Variants in INSR observed in about 807,000 individuals in gnomAD.
The protein encoded by INSR is IR.
Under a neutral mutation model 142.6 loss-of-function variants are expected in INSR, and 67 were observed. That is an observed-to-expected ratio of 0.47 (90% CI 0.39 to 0.58). The LOEUF is 0.58. Ranked by LOEUF, INSR falls within the 20% of genes least tolerant of loss-of-function variation. The pLI is 0.00. For missense variants in INSR, 1,248 were observed against 1,833.2 expected (o/e 0.68, Z 5.83); for synonymous variants, 756 against 743.1 (o/e 1.02, Z -0.28).
chr19:7,172,764 G>A (rs982534138), intron 4 of INSR, among the ~76,000 whole-genome samples: 42 of 151,940 alleles, frequency 2.8e-4, no homozygotes, highest in African/African-American at 9.9e-4. Flanking sequence ...TGGTGCTGGT[G>A]GCTCATGCCT....
At chr19:7,140,346 G>T (rs529570638) in intron 13 of INSR, among the ~76,000 whole-genome samples, 4 of 152,316 alleles carry the variant, frequency 2.6e-5, no homozygotes, top group Non-Finnish European at 5.9e-5. Context: ...TGTAAATAAA[G>T]TTTTATTGGT....
intron 1 of INSR, among the ~76,000 whole-genome samples, chr19:7,279,836 G>A (rs1377556438): frequency 2.0e-5 from 3 of 151,902 alleles, no homozygotes; most frequent in East Asian, 1.9e-4. Flanking sequence ...TTGGATGGGT[G>A]TGGTGGTGTG....
intron 2 of INSR, among the ~76,000 whole-genome samples, chr19:7,207,286 T>G (rs8109040): frequency 0.28 from 42,022 of 151,866 alleles, 6,293 homozygotes; most frequent in Non-Finnish European, 0.35. Context: ...CATGGTGGCA[T>G]GCACCTGTAA....
rs1265932076 is a variant in INSR at position 7,242,732 on chromosome 19, C to CT, written c.652+24612dup. Among the ~76,000 whole-genome samples, 4 of 36,976 alleles carry CT rather than the reference C, an allele frequency of 1.1e-4. No homozygotes were observed. The Admixed American group carries it at 1.5e-3, about 14-fold the overall frequency. The allele number at this position is 36,976 out of a possible 152,430, so 24.3% of individuals were successfully genotyped here. ...AGCCTGGGTGACACAGCGAGACTGC[C>CT]TCAAAAAAAAAAAAAAAAAAAACAG... On this transcript the variant is annotated intron_variant, in intron 2 of 21. Coordinates refer to ENST00000302850, the MANE Select transcript of INSR (RefSeq NM_000208.4).
intron 2 of INSR, among the ~76,000 whole-genome samples, chr19:7,228,946 G>A (rs1443348016): frequency 6.6e-6 from 1 of 151,620 alleles, no homozygotes; most frequent in Non-Finnish European, 1.5e-5. Context: ...GGGATGGAGG[G>A]ACAGGTGTGT....
chr19:7,276,558 A>G (rs1968068559), intron 1 of INSR, among the ~76,000 whole-genome samples: 1 of 152,058 alleles, frequency 6.6e-6, no homozygotes, highest in Non-Finnish European at 1.5e-5. Flanking sequence ...GTCCTGCCTC[A>G]ACAAGTCTTG....
intron 15 of INSR, among the ~76,000 whole-genome samples, chr19:7,127,372 C>T (rs543424424): frequency 4.4e-4 from 67 of 152,204 alleles, no homozygotes; most frequent in Non-Finnish European, 4.1e-4. Flanking sequence ...TTGTACAATG[C>T]CTTCCAAATA....
At chr19:7,160,529 G>A (rs949905223) in intron 9 of INSR, among the ~76,000 whole-genome samples, 15 of 152,090 alleles carry the variant, frequency 9.9e-5, no homozygotes, top group Admixed American at 9.8e-4. Context: ...GGAGGCTGAG[G>A]CGGGAAGATC....
intron 19 of INSR, 108 bp downstream of exon 19, chr19:7,122,506 C>A: frequency 2.5e-6 from 3 of 1,188,592 alleles, no homozygotes; most frequent in Non-Finnish European, 3.7e-6. Flanking sequence ...AAGTATCTTG[C>A]CCCTTTATAT....
chr19:7,183,253 G>A (rs1377227991), intron 3 of INSR, among the ~76,000 whole-genome samples: 2 of 142,084 alleles, frequency 1.4e-5, no homozygotes, highest in East Asian at 2.0e-4. Flanking sequence ...TTGTTTTTGT[G>A]TTGTTTTGTG....
Position 7,267,836 on chromosome 19 carries a change from G to A in INSR, c.161C>T (p.Ser54Phe). 6.2e-7 allele frequency: 1 copy of A among 1,614,092 alleles called. No individual in the cohort carries two copies. Among genetic ancestry groups the A allele is most frequent in the Non-Finnish European group, 8.5e-7 (1 of 1,179,990 alleles). ...TATCTGCAAGTGTCCTTCGATGACA[G>A]AGCAATTCTCCAGCTCATGCAACCT... is the stretch of plus-strand genomic sequence containing the variant. ...LTRLHELENC[S>F]VIEGHLQILL... The change falls in exon 2 of 22, where the codon TCT (serine) becomes TTT (phenylalanine). Residue 54 changes from serine (S) to phenylalanine (F), a missense_variant. Ser to Phe is a radical substitution (Grantham distance 155). Around this residue, in one of 3 missense-constraint regions of INSR, gnomAD observed 1,069 missense variants for 1,654.0 expected, o/e 0.65. Coordinates refer to ENST00000302850, the MANE Select transcript of INSR (RefSeq NM_000208.4). The surrounding 1 kb of genome is among the most constrained non-coding windows in gnomAD (Gnocchi z 6.3).
chr19:7,202,027 T>C (rs146787641), intron 2 of INSR, among the ~76,000 whole-genome samples: 3 of 152,292 alleles, frequency 2.0e-5, no homozygotes, highest in South Asian at 2.1e-4. Flanking sequence ...TTCTGTTTTA[T>C]TGATTCCTCC....
At chr19:7,278,470 T>G (rs982572389) in intron 1 of INSR, among the ~76,000 whole-genome samples, 3 of 152,142 alleles carry the variant, frequency 2.0e-5, no homozygotes. Flanking sequence ...AGGCAGCAAT[T>G]TCAAAAGGCC....
At chr19:7,163,338 A>G in intron 8 of INSR, 139 bp from the exon 9 acceptor site, 1 of 797,522 alleles carries the variant, frequency 1.3e-6, no homozygotes, top group Admixed American at 1.9e-5. Flanking sequence ...AGGCAGGCGG[A>G]TCACGAGGTC....
intron 1 of INSR, among the ~76,000 whole-genome samples, chr19:7,287,066 T>C (rs1968362422): frequency 6.6e-6 from 1 of 151,710 alleles, no homozygotes; most frequent in Non-Finnish European, 1.5e-5. Flanking sequence ...TCCAGGCTGA[T>C]CTGAAACTCC....
intron 2 of INSR, among the ~76,000 whole-genome samples, chr19:7,256,384 G>A (rs531648460): frequency 4.3e-4 from 66 of 152,268 alleles, no homozygotes; most frequent in Middle Eastern, 3.4e-3. Flanking sequence ...GGGAGGCAGG[G>A]GTTGCAGTGA....
At chr19:7,133,959 G>A (rs897194194) in intron 13 of INSR, among the ~76,000 whole-genome samples, 3 of 152,126 alleles carry the variant, frequency 2.0e-5, no homozygotes, top group African/African-American at 7.2e-5. Flanking sequence ...ATGGGATATA[G>A]CTTACTGACT....
chr19:7,292,477 G>T (rs889493271), intron 1 of INSR, among the ~76,000 whole-genome samples: 4 of 150,030 alleles, frequency 2.7e-5, no homozygotes, highest in Non-Finnish European at 5.9e-5. Flanking sequence ...GGCTGGGGGG[G>T]GGTGGGCCCG....
At chr19:7,122,843 A>T (rs201074330) in intron 18 of INSR, 36 bp downstream of exon 18, 245 of 1,608,628 alleles carry the variant, frequency 1.5e-4, no homozygotes, top group Non-Finnish European at 1.7e-4. Context: ...CGGGTGCTCC[A>T]CCGAGTACCC....
Sources: allele counts gnomAD v4.1 joint callset (sites outside exome capture counted in the v4.1 genomes callset), GRCh38; gene constraint gnomAD v4.1.1; regional missense constraint gnomAD v4.1.1; non-coding constraint Gnocchi (gnomAD v3.1); transcripts MANE v1.5; gene names NCBI Gene and HGNC (gene_info 2026-07-23, HGNC 2026-07-21).